Variants in CADPS2 observed in about 807,000 individuals in gnomAD.
CADPS2 encodes the protein calcium dependent secretion activator 2.
A neutral mutation model predicts 172.5 loss-of-function variants in CADPS2; 93 were observed. The observed-to-expected ratio is 0.54, with a 90% CI of 0.46 to 0.64. The LOEUF is 0.64. Among genes scored for constraint, CADPS2 ranks in the 30% least tolerant of loss-of-function variants. The pLI is 0.00. For synonymous variants in CADPS2, 546 were observed against 555.2 expected (o/e 0.98, Z 0.23); for missense variants, 1,420 against 1,565.9 (o/e 0.91, Z 1.57).
intron 7 of CADPS2, among the ~76,000 whole-genome samples, chr7:122,572,931 A>T (rs1400341136): frequency 6.6e-6 from 1 of 152,168 alleles, no homozygotes; most frequent in Non-Finnish European, 1.5e-5. Flanking sequence ...TTCCGTAAAT[A>T]GGTATTTGCA....
intron 20 of CADPS2, among the ~76,000 whole-genome samples, chr7:122,400,192 T>A (rs889699041): frequency 7.2e-5 from 11 of 151,744 alleles, no homozygotes; most frequent in Admixed American, 3.9e-4. Flanking sequence ...TCCCAGCACT[T>A]TGGGAGGCCG....
At chr7:122,455,991 C>T (rs141611253) in intron 14 of CADPS2, among the ~76,000 whole-genome samples, 1 of 152,274 alleles carries the variant, frequency 6.6e-6, no homozygotes, top group African/African-American at 2.4e-5. Context: ...GAAAGAGCCA[C>T]CATGCCCAGC....
rs1445501050 is a variant in CADPS2, at chr7:122,589,790, GC to G, written c.1224-8501del. Reference sequence around the variant, plus strand: ...GAAAATGAATGAGCTTATGAAGGGTGCCCACTAATAATGATAGTAGGGACTT... The same window carrying G: ...GAAAATGAATGAGCTTATGAAGGGTGCCACTAATAATGATAGTAGGGACTT... On this transcript the variant is annotated intron_variant, in intron 6 of 29. Transcript: ENST00000449022. Among the ~76,000 whole-genome samples, 5 of 151,878 alleles carry G rather than the reference GC, an allele frequency of 3.3e-5. No individual in the cohort carries two copies. In the East Asian group the frequency reaches 7.8e-4, roughly 24 times the overall value.
At chr7:122,629,375 A>G in intron 3 of CADPS2, 47 bp from the exon 4 acceptor site, 1 of 1,456,458 alleles carries the variant, frequency 6.9e-7, no homozygotes. Context: ...CTTAATCTAT[A>G]TACAGTGACC....
intron 25 of CADPS2, chr7:122,366,848 G>A (rs543930905): frequency 1.3e-5 from 2 of 151,964 alleles, no homozygotes; most frequent in Admixed American, 1.3e-4. Context: ...GATCCTGCAC[G>A]TTATAGGAAG....
At chr7:122,626,515 C>A (rs2076104697) in intron 4 of CADPS2, among the ~76,000 whole-genome samples, 1 of 152,170 alleles carries the variant, frequency 6.6e-6, no homozygotes, top group African/African-American at 2.4e-5. Context: ...GACCACTTGA[C>A]TGAAAACTGT....
intron 1 of CADPS2, among the ~76,000 whole-genome samples, chr7:122,834,971 C>G (rs139287094): frequency 6.6e-6 from 1 of 152,154 alleles, no homozygotes; most frequent in African/African-American, 2.4e-5. Context: ...GAACTGAGAA[C>G]GGACAGACTG....
At chr7:122,470,375 C>T (rs368785223) in intron 14 of CADPS2, among the ~76,000 whole-genome samples, 30 of 152,074 alleles carry the variant, frequency 2.0e-4, no homozygotes, top group African/African-American at 5.5e-4. Flanking sequence ...AAAAAGTTAA[C>T]GGGCCATTAA....
intron 3 of CADPS2, among the ~76,000 whole-genome samples, chr7:122,660,743 T>C (rs2080438366): frequency 6.6e-6 from 1 of 152,008 alleles, no homozygotes; most frequent in Non-Finnish European, 1.5e-5. Context: ...ACCCCATCTC[T>C]ACTAAAAATA....
intron 1 of CADPS2, among the ~76,000 whole-genome samples, chr7:122,746,793 T>A (rs2092736652): frequency 1.3e-5 from 2 of 152,106 alleles, no homozygotes; most frequent in Non-Finnish European, 2.9e-5. Flanking sequence ...TCTTATTTGA[T>A]TCTAGGTCTT....
chr7:122,728,054 G>T (rs536719551), intron 2 of CADPS2, among the ~76,000 whole-genome samples: 1 of 151,928 alleles, frequency 6.6e-6, no homozygotes, highest in African/African-American at 2.4e-5. Flanking sequence ...AAAAAAATAG[G>T]CTTTTTCCAG....
At chr7:122,609,085 T>C (rs1165095219) in intron 6 of CADPS2, among the ~76,000 whole-genome samples, 3 of 152,074 alleles carry the variant, frequency 2.0e-5, no homozygotes, top group Non-Finnish European at 2.9e-5. Flanking sequence ...TCCCTATTTG[T>C]TTTTAATAAT....
chr7:122,842,705 A>C, intron 1 of CADPS2, among the ~76,000 whole-genome samples: 1 of 152,206 alleles, frequency 6.6e-6, no homozygotes, highest in South Asian at 2.1e-4. Flanking sequence ...TAAAAAATAG[A>C]AAGTTGATAG....
intron 2 of CADPS2, chr7:122,698,532 G>C: frequency 6.2e-7 from 1 of 1,614,052 alleles, no homozygotes; most frequent in Non-Finnish European, 8.5e-7. Context: ...GAACGTTATA[G>C]ATGATCACTC....
Position 122,581,261 on chromosome 7 carries a change from G to A in CADPS2, c.1253C>T (p.Thr418Ile). 6.2e-7 allele frequency: 1 copy of A among 1,613,138 alleles called. No individual in the cohort carries two copies. Among genetic ancestry groups the A allele is most frequent in the Non-Finnish European group, 8.5e-7 (1 of 1,179,348 alleles). The change falls in exon 7 of 30, where the codon ACC (threonine) becomes ATC (isoleucine). Residue 418 changes from threonine to isoleucine, a missense_variant. Transcript: ENST00000449022. The part of the protein sequence containing the change: ...QWGTQGDFTT[T>I]HPRPVVKVKL... ...CACTTTGACCACAGGCCGAGGATGGGTGGTGGTGAAATCTCCTTGAGTCCC... is the reference window on the plus strand; with the variant it reads ...CACTTTGACCACAGGCCGAGGATGGATGGTGGTGAAATCTCCTTGAGTCCC...
chr7:122,593,775 C>A (rs2071292182), intron 6 of CADPS2, among the ~76,000 whole-genome samples: 1 of 150,322 alleles, frequency 6.7e-6, no homozygotes. Flanking sequence ...CAAAACATGG[C>A]AAAGGAGAAA....
intron 8 of CADPS2, among the ~76,000 whole-genome samples, chr7:122,523,719 T>C (rs190717138): frequency 5.3e-5 from 8 of 152,306 alleles, no homozygotes; most frequent in Admixed American, 4.6e-4. Context: ...CATGGTTTCA[T>C]GTTTTTCCTC....
chr7:122,756,094 A>C (rs1274373986), intron 1 of CADPS2, among the ~76,000 whole-genome samples: 2 of 152,198 alleles, frequency 1.3e-5, no homozygotes, highest in Non-Finnish European at 2.9e-5. Flanking sequence ...CAAATGTTGA[A>C]GTTTTTTAGA....
chr7:122,420,159 T>G (rs1216454412), intron 17 of CADPS2, among the ~76,000 whole-genome samples: 2 of 152,316 alleles, frequency 1.3e-5, no homozygotes, highest in South Asian at 2.1e-4. Context: ...ACTATAATTC[T>G]TTTTCATTTT....
Sources: gnomAD v4.1 joint callset for allele counts (sites outside exome capture counted in the v4.1 genomes callset) on GRCh38, gnomAD v4.1.1 for gene constraint, MANE v1.5 for transcripts, NCBI Gene and HGNC (gene_info 2026-07-23, HGNC 2026-07-21) for gene names.